Variants in STX18 observed in about 807,000 individuals in gnomAD.
STX18 encodes the protein syntaxin 18.
In STX18, 40 loss-of-function variants were observed where a neutral mutation model predicts 50.1. The ratio of observed to expected loss-of-function variants is 0.80; its 90% CI spans 0.62 to 1.04. STX18 has a LOEUF of 1.04. STX18 is among the 50% of genes least tolerant of loss of function. The pLI is 0.00. For missense variants in STX18, 410 were observed against 415.8 expected (o/e 0.99, Z 0.12); for synonymous variants, 158 against 151.8 (o/e 1.04, Z -0.30).
chr4:4,486,928 G>A (rs1256244637), intron 1 of STX18, among the ~76,000 whole-genome samples: 1 of 152,158 alleles, frequency 6.6e-6, no homozygotes, highest in Non-Finnish European at 1.5e-5. Flanking sequence ...CTAAAGTATA[G>A]TTCTTGACCT....
rs1560163856 is a variant in STX18, at chr4:4,438,457, C to A, written c.550G>T (p.Glu184Ter). ...NTKTRESTSS[E>*]KVSQSPSKDS... ...TTTGAAGGACTCTGTGAAACTTTCT[C>A]AGAAGATGTGGATTCTCTTGTCTTT... Residue 184 changes from glutamate (E) to a stop codon, truncating the protein, a stop_gained, in exon 6 of 11, where the codon GAG becomes TAG. Coordinates refer to ENST00000306200, the MANE Select transcript of STX18 (RefSeq NM_016930.4). LOFTEE classifies it high-confidence loss of function. 2 of 1,613,900 alleles carry A rather than the reference C, an allele frequency of 1.2e-6. No individual in the cohort carries two copies. The highest frequency in any genetic ancestry group is 1.1e-5 in the South Asian group (1 of 91,062).
chr4:4,439,096 AC>A (rs1183719359), intron 5 of STX18, among the ~76,000 whole-genome samples: 6 of 129,492 alleles, frequency 4.6e-5, no homozygotes, highest in Admixed American at 1.6e-4. Context: ...CCACACATAT[AC>A]CCCCACACAC....
intron 1 of STX18, among the ~76,000 whole-genome samples, chr4:4,482,307 A>G (rs1042509570): frequency 3.9e-5 from 6 of 152,150 alleles, no homozygotes; most frequent in Non-Finnish European, 7.3e-5. Flanking sequence ...GTTCAAGCTG[A>G]GTGTATCCAA....
Position 4,541,803 on chromosome 4 carries a change from G to C in STX18, c.162C>G (p.Arg54=). 6.2e-7 allele frequency: 1 copy of C among 1,607,612 alleles called. No homozygotes were observed. The change falls in exon 1 of 11, where the codon CGC becomes CGG. Residue 54 remains arginine, a synonymous_variant. Transcript: ENST00000306200. The part of the protein sequence containing the change: ...RPKGDFSSRA[R]EVISHIGKLR... ...TCCATAGCAACCAGCTCACCACTTC[G>C]CGGGCCCGGCTGGAGAAGTCGCCCT...
chr4:4,528,793 C>T (rs1048067536), intron 1 of STX18, among the ~76,000 whole-genome samples: 7 of 152,212 alleles, frequency 4.6e-5, no homozygotes, highest in Non-Finnish European at 1.0e-4. Context: ...CAGACAATGG[C>T]TGGCCAATGC....
At chr4:4,538,804 T>C (rs1560217140) in intron 1 of STX18, among the ~76,000 whole-genome samples, 1 of 152,144 alleles carries the variant, frequency 6.6e-6, no homozygotes, top group Non-Finnish European at 1.5e-5. Context: ...TCCAATCCCA[T>C]CATCCTCACT....
intron 5 of STX18, among the ~76,000 whole-genome samples, chr4:4,443,690 A>G (rs956999367): frequency 2.0e-5 from 3 of 152,254 alleles, no homozygotes; most frequent in Non-Finnish European, 2.9e-5. Flanking sequence ...ATAATGTATC[A>G]TGACCAAATG....
intron 1 of STX18, among the ~76,000 whole-genome samples, chr4:4,541,061 A>C (rs1321204401): frequency 1.3e-5 from 2 of 152,206 alleles, no homozygotes; most frequent in East Asian, 3.8e-4. Context: ...CTCTCCCCTT[A>C]TGGAGTTTTC....
chr4:4,542,004 G>T lies in STX18; in HGVS notation c.-40C>A. 2 of 1,519,736 alleles carry T rather than the reference G, an allele frequency of 1.3e-6. No individual in the cohort carries two copies. Among genetic ancestry groups the T allele is most frequent in the Non-Finnish European group, 8.8e-7 (1 of 1,132,594 alleles). 94.1% of individuals were successfully genotyped at this position (1,519,736 alleles called of 1,614,324 possible). A position where few individuals can be genotyped will look rare whatever the true frequency, so the allele number is the denominator to read the frequency against. ...TCAGCCCCACACTAGGCCCGCCCAC[G>T]TAAGCAGCCGGCGACCGCGGCGCGA... On this transcript the variant is annotated 5_prime_UTR_variant, in exon 1 of 11. Transcript: ENST00000306200.
chr4:4,485,750 C>T (rs1290741763), intron 1 of STX18, among the ~76,000 whole-genome samples: 1 of 152,170 alleles, frequency 6.6e-6, no homozygotes, highest in Non-Finnish European at 1.5e-5. Flanking sequence ...TAACCTCCTA[C>T]CATTAGGTTT....
intron 5 of STX18, among the ~76,000 whole-genome samples, chr4:4,455,152 A>G (rs970363319): frequency 1.4e-4 from 22 of 152,204 alleles, no homozygotes; most frequent in African/African-American, 5.3e-4. Context: ...GCATTATACT[A>G]TGCCACTTGA....
chr4:4,538,256 T>C (rs1443126763), intron 1 of STX18, among the ~76,000 whole-genome samples: 1 of 152,156 alleles, frequency 6.6e-6, no homozygotes, highest in South Asian at 2.1e-4. Flanking sequence ...TTCTGAGCTA[T>C]AGGGATCCAC....
intron 1 of STX18, among the ~76,000 whole-genome samples, chr4:4,487,665 C>T (rs1481509360): frequency 2.0e-5 from 3 of 152,200 alleles, no homozygotes; most frequent in Non-Finnish European, 2.9e-5. Flanking sequence ...CCCTGCCAAA[C>T]CCATGAAAAC....
chr4:4,524,091 C>A (rs945956771), intron 1 of STX18, among the ~76,000 whole-genome samples: 1 of 152,200 alleles, frequency 6.6e-6, no homozygotes, highest in Admixed American at 6.5e-5. Context: ...GTCTCACTCA[C>A]GTTTGTACAC....
At chr4:4,462,059 C>T (rs1321339069) in intron 2 of STX18, 5 of 445,764 alleles carry the variant, frequency 1.1e-5, no homozygotes, top group African/African-American at 8.0e-5. Context: ...AGGCCACCCG[C>T]CTGCAAACCA....
At chr4:4,517,388 A>G (rs1730319541) in intron 1 of STX18, among the ~76,000 whole-genome samples, 1 of 152,240 alleles carries the variant, frequency 6.6e-6, no homozygotes, top group African/African-American at 2.4e-5. Context: ...AAAAGTTTGT[A>G]TATTTTAGGA....
Position 4,423,534 on chromosome 4 carries a change from T to C in STX18, c.815A>G (p.Glu272Gly). ...TTTTTTTACCTGTTGCAAAACCTTT[T>C]CCGTGAATATCTCTTGGAGTCTGGA... Reference protein sequence around the residue: ...EISRLQEIFTEKVLQQEAEID... With the variant: ...EISRLQEIFTGKVLQQEAEID... Residue 272 changes from glutamate (E) to glycine (G), a missense_variant, in exon 9 of 11, where the codon GAA becomes GGA. Coordinates refer to ENST00000306200, the MANE Select transcript of STX18 (RefSeq NM_016930.4). 6.2e-7 allele frequency: 1 copy of C among 1,614,234 alleles called. No homozygotes were observed. The highest frequency in any genetic ancestry group is 8.5e-7 in the Non-Finnish European group (1 of 1,180,042).
In STX18 at chr4:4,419,149, T is replaced by G. The variant is rs1212466992; in HGVS notation, c.*885A>C. The G allele has an allele frequency of 6.6e-6, 1 of 152,276 alleles. No homozygotes were observed. The highest frequency in any genetic ancestry group is 2.4e-5 in the African/African-American group (1 of 41,474). 9.4% of individuals were successfully genotyped at this position (152,276 alleles called of 1,614,324 possible). A position where few individuals can be genotyped will look rare whatever the true frequency, so the allele number is the denominator to read the frequency against. ...ATGCCCATGTGGGCGCTGGGATGCT[T>G]CCTGTACAGATGTCTCATGCCTTCA... On this transcript the variant is annotated 3_prime_UTR_variant, in exon 11 of 11. Coordinates refer to ENST00000306200, the MANE Select transcript of STX18 (RefSeq NM_016930.4).
At chr4:4,520,963 T>C (rs564489930) in intron 1 of STX18, among the ~76,000 whole-genome samples, 4 of 152,358 alleles carry the variant, frequency 2.6e-5, no homozygotes, top group African/African-American at 7.2e-5. Context: ...ACAATTTATC[T>C]AGTCTTCCAA....
Sources: gnomAD v4.1 joint callset for allele counts (sites outside exome capture counted in the v4.1 genomes callset) on GRCh38, gnomAD v4.1.1 for gene constraint, MANE v1.5 for transcripts, NCBI Gene and HGNC (gene_info 2026-07-23, HGNC 2026-07-21) for gene names.